STX5: variants seen among roughly 807,000 people sequenced by gnomAD.
The protein encoded by STX5 is syntaxin-5.
Under a neutral mutation model 42.9 loss-of-function variants are expected in STX5, and 15 were observed. The ratio of observed to expected loss-of-function variants is 0.35; its 90% CI spans 0.23 to 0.54. The LOEUF is 0.54. Among genes scored for constraint, STX5 ranks in the 20% least tolerant of loss-of-function variants. The pLI is 0.91. For missense variants in STX5, 430 were observed against 455.0 expected (o/e 0.95, Z 0.50); for synonymous variants, 184 against 173.2 (o/e 1.06, Z -0.49).
chr11:62,814,929 TG>T (rs2084657251), intron 10 of STX5, among the ~76,000 whole-genome samples: 1 of 152,036 alleles, frequency 6.6e-6, no homozygotes, highest in South Asian at 2.1e-4. Flanking sequence ...TTAAACAGTT[TG>T]GGGACAACTG....
chr11:62,821,486 A>G (rs1218768574), intron 10 of STX5, among the ~76,000 whole-genome samples: 1 of 152,072 alleles, frequency 6.6e-6, no homozygotes, highest in Non-Finnish European at 1.5e-5. Context: ...GCACTTTGGG[A>G]GGCCGAAGTG....
intron 10 of STX5, among the ~76,000 whole-genome samples, chr11:62,813,920 T>C (rs1385753068): frequency 6.6e-6 from 1 of 152,174 alleles, no homozygotes; most frequent in Non-Finnish European, 1.5e-5. Context: ...CTCAAGGACA[T>C]CATTTCAAGA....
At chr11:62,819,219 T>TG (rs1215973262) in intron 10 of STX5, among the ~76,000 whole-genome samples, 3 of 21,720 alleles carry the variant, frequency 1.4e-4, no homozygotes, top group African/African-American at 1.5e-4. Context: ...AGACTCTGTC[T>TG]GAAAAAAAAA....
At chr11:62,811,290 C>CT (rs1415480465) in intron 10 of STX5, among the ~76,000 whole-genome samples, 3 of 152,200 alleles carry the variant, frequency 2.0e-5, no homozygotes, top group Non-Finnish European at 2.9e-5. Context: ...CTACTAAACT[C>CT]TGTCATTTAG....
At chr11:62,807,939 A>C in intron 10 of STX5, 1 of 346,822 alleles carries the variant, frequency 2.9e-6, no homozygotes. Context: ...AGTTAGTATA[A>C]AGTCCCTAAC....
chr11:62,825,878 C>T (rs1350273810), intron 5 of STX5, among the ~76,000 whole-genome samples: 2 of 152,168 alleles, frequency 1.3e-5, no homozygotes, highest in African/African-American at 2.4e-5. Flanking sequence ...GGGTCTAGGG[C>T]ATGACCAACA....
chr11:62,810,364 C>T (rs2084604335), intron 10 of STX5, among the ~76,000 whole-genome samples: 1 of 152,070 alleles, frequency 6.6e-6, no homozygotes, highest in South Asian at 2.1e-4. Context: ...ATCACTTGTG[C>T]CCAGGAGTTT....
intron 10 of STX5, among the ~76,000 whole-genome samples, chr11:62,815,684 G>C (rs1433249556): frequency 6.6e-6 from 1 of 151,710 alleles, no homozygotes; most frequent in South Asian, 2.1e-4. Flanking sequence ...CCACAGGCAT[G>C]CACCACTATG....
Position 62,831,003 on chromosome 11 carries a change from C to T in STX5, c.225+16G>A, listed in dbSNP as rs962883154. On this transcript the variant is annotated intron_variant, in intron 2 of 10. Transcript: ENST00000294179. The stretch of plus-strand genomic sequence containing the variant: ...AGTAAGGCTCACTCCTCGCCTTTTC[C>T]ACTCCAGGTCCTTACCTGACGGGTC... The T allele has an allele frequency of 6.5e-7, 1 of 1,547,214 alleles. No homozygotes were observed. Among genetic ancestry groups the T allele is most frequent in the South Asian group, 1.2e-5 (1 of 83,918 alleles).
intron 10 of STX5, among the ~76,000 whole-genome samples, chr11:62,822,749 T>A (rs1291124330): frequency 6.6e-6 from 1 of 150,856 alleles, no homozygotes; most frequent in Non-Finnish European, 1.5e-5. Context: ...TTCACATCTA[T>A]CTCCCTATTA....
chr11:62,819,554 G>A (rs921163257), intron 10 of STX5, among the ~76,000 whole-genome samples: 1 of 151,212 alleles, frequency 6.6e-6, no homozygotes, highest in Non-Finnish European at 1.5e-5. Context: ...GGGTGTTGCT[G>A]TCACCCAGGC....
At chr11:62,829,726 T>A (rs11231240) in intron 2 of STX5, among the ~76,000 whole-genome samples, 1 of 151,640 alleles carries the variant, frequency 6.6e-6, no homozygotes, top group Non-Finnish European at 1.5e-5. Flanking sequence ...GATAGAACCA[T>A]TGTACTCCAG....
intron 10 of STX5, among the ~76,000 whole-genome samples, chr11:62,820,701 G>A (rs1201130323): frequency 1.3e-5 from 2 of 151,432 alleles, no homozygotes; most frequent in African/African-American, 2.4e-5. Flanking sequence ...CAGTAGAGAC[G>A]GGGTTTCACC....
intron 2 of STX5, among the ~76,000 whole-genome samples, 200 bp downstream of exon 2, chr11:62,830,818 CA>C (rs1212078379): frequency 6.6e-6 from 1 of 151,906 alleles, no homozygotes; most frequent in Non-Finnish European, 1.5e-5. Flanking sequence ...GGATTCCTCA[CA>C]AAAAAAAGTC....
At chr11:62,813,502 C>T (rs895516570) in intron 10 of STX5, among the ~76,000 whole-genome samples, 3 of 152,226 alleles carry the variant, frequency 2.0e-5, no homozygotes, top group Admixed American at 6.5e-5. Flanking sequence ...GAATCAGAAT[C>T]TCCAAGTGTT....
chr11:62,811,791 C>G (rs1395459166), intron 10 of STX5, among the ~76,000 whole-genome samples: 1 of 151,512 alleles, frequency 6.6e-6, no homozygotes, highest in South Asian at 2.1e-4. Context: ...CCAGCCTCAT[C>G]CCCTTCTCTT....
Position 62,807,380 on chromosome 11 carries a change from TACCCTGCACAGGCTCAGTGGCAGC to T in STX5, c.*65_*88del. 6.6e-7 allele frequency: 1 copy of T among 1,522,384 alleles called. No individual in the cohort carries two copies. The highest frequency in any genetic ancestry group is 8.8e-7 in the Non-Finnish European group (1 of 1,133,114). 94.3% of individuals were successfully genotyped at this position (1,522,384 alleles called of 1,614,324 possible). On this transcript the variant is annotated 3_prime_UTR_variant, in exon 11 of 11. Coordinates refer to ENST00000294179, the MANE Select transcript of STX5 (RefSeq NM_003164.5). ...AGGGAAACAGGGCCTTTCTCCCAAG[TACCCTGCACAGGCTCAGTGGCAGC>T]ACTGGCCACTTGCCTTCCCAGGAGG...
intron 2 of STX5, chr11:62,830,450 G>A: frequency 2.2e-6 from 1 of 444,736 alleles, no homozygotes; most frequent in Non-Finnish European, 4.5e-6. Flanking sequence ...AGGAGGCTGA[G>A]GAAAGAGGAT....
rs372515874 is a variant in STX5 at position 62,806,863 on chromosome 11, C to T, written c.*606G>A. 1.3e-5 allele frequency: 2 copies of T among 152,894 alleles called. No homozygotes were observed. The highest frequency in any genetic ancestry group is 1.9e-4 in the East Asian group (1 of 5,188). The allele number at this position is 152,894 out of a possible 1,614,324, so 9.5% of individuals were successfully genotyped here. A position where few individuals can be genotyped will look rare whatever the true frequency, so the allele number is the denominator to read the frequency against. ...CTCTCCACTCGCTGCCTAGGCCCTTCGACGCTCCCACCCAGAAATGATGAC... is the reference window on the plus strand; with the variant it reads ...CTCTCCACTCGCTGCCTAGGCCCTTTGACGCTCCCACCCAGAAATGATGAC... On this transcript the variant is annotated 3_prime_UTR_variant, in exon 11 of 11. Transcript: ENST00000294179.
Sources: gnomAD v4.1 joint callset for allele counts (sites outside exome capture counted in the v4.1 genomes callset) on GRCh38, gnomAD v4.1.1 for gene constraint, MANE v1.5 for transcripts, NCBI Gene and HGNC (gene_info 2026-07-23, HGNC 2026-07-21) for gene names.